The following MGAT4C variants were observed in gnomAD, a reference collection of about 807,000 sequenced individuals.
MGAT4C encodes the protein alpha-1,3-mannosyl-glycoprotein 4-beta-N-acetylglucosaminyltransferase C.
Under a neutral mutation model 40.1 loss-of-function variants are expected in MGAT4C, and 19 were observed. That is an observed-to-expected ratio of 0.47 (90% CI 0.33 to 0.70). The LOEUF is 0.70. Ranked by LOEUF, MGAT4C falls within the 30% of genes least tolerant of loss-of-function variation. The probability of loss-of-function intolerance (pLI) is 0.02; values close to 1 mark genes in which losing one functional copy is unlikely to be tolerated. For missense variants in MGAT4C, 491 were observed against 563.2 expected (o/e 0.87, Z 1.30); for synonymous variants, 181 against 187.1 (o/e 0.97, Z 0.27).
chr12:86,268,372 C>CA (rs1952841900), intron 4 of MGAT4C, among the ~76,000 whole-genome samples: 3 of 151,964 alleles, frequency 2.0e-5, no homozygotes, highest in African/African-American at 7.2e-5. Context: ...TGGCCCATCA[C>CA]AAAAGAGTTA....
chr12:86,618,127 G>T (rs1269860518), intron 2 of MGAT4C, among the ~76,000 whole-genome samples: 1 of 152,066 alleles, frequency 6.6e-6, no homozygotes, highest in African/African-American at 2.4e-5. Context: ...ACCACAATGA[G>T]ATATCATCTT....
At chr12:86,718,162 C>T (rs992683012) in intron 2 of MGAT4C, among the ~76,000 whole-genome samples, 1 of 152,134 alleles carries the variant, frequency 6.6e-6, no homozygotes, top group African/African-American at 2.4e-5. Context: ...ATGCCTAACA[C>T]CATTGTTGAG....
chr12:86,080,638 C>G (rs916795308), intron 1 of MGAT4C, among the ~76,000 whole-genome samples: 4 of 152,104 alleles, frequency 2.6e-5, no homozygotes, highest in African/African-American at 9.7e-5. Context: ...ATGAATTCAA[C>G]TGGTATCAAG....
chr12:86,184,025 TTC>T (rs1405573417), intron 1 of MGAT4C, among the ~76,000 whole-genome samples: 2 of 152,190 alleles, frequency 1.3e-5, no homozygotes, highest in Non-Finnish European at 2.9e-5. Context: ...CATGTGTATA[TTC>T]ATATACAGAT....
intron 3 of MGAT4C, among the ~76,000 whole-genome samples, chr12:86,394,988 A>T (rs1010621602): frequency 1.7e-4 from 26 of 152,088 alleles, no homozygotes; most frequent in African/African-American, 6.3e-4. Flanking sequence ...AAGTACATTT[A>T]TGAGTCCCCT....
intron 4 of MGAT4C, among the ~76,000 whole-genome samples, chr12:86,277,730 C>T (rs1010847286): frequency 1.3e-5 from 2 of 152,056 alleles, no homozygotes; most frequent in Non-Finnish European, 2.9e-5. Context: ...TTTCTGGGTT[C>T]TCTGTTCTGT....
chr12:86,024,950 C>T (rs1177981837), intron 2 of MGAT4C, among the ~76,000 whole-genome samples: 1 of 151,256 alleles, frequency 6.6e-6, no homozygotes, highest in Non-Finnish European at 1.5e-5. Flanking sequence ...TAGGATTAAA[C>T]CTTGTTATAT....
intron 1 of MGAT4C, among the ~76,000 whole-genome samples, chr12:86,211,095 G>A (rs1285205472): frequency 6.6e-6 from 1 of 151,570 alleles, no homozygotes; most frequent in Non-Finnish European, 1.5e-5. Flanking sequence ...GCTTCCATTT[G>A]CCTTTCAAGG....
intron 2 of MGAT4C, among the ~76,000 whole-genome samples, chr12:86,688,888 G>C (rs1227750441): frequency 2.6e-5 from 4 of 152,082 alleles, no homozygotes; most frequent in African/African-American, 9.7e-5. Flanking sequence ...TTGAATGTTG[G>C]CCTGCCTTGC....
chr12:86,315,804 T>G (rs1414466284), intron 4 of MGAT4C, among the ~76,000 whole-genome samples: 2 of 151,708 alleles, frequency 1.3e-5, no homozygotes, highest in Non-Finnish European at 2.9e-5. Context: ...GATAAAATCC[T>G]CAAAAGCAAT....
intron 1 of MGAT4C, among the ~76,000 whole-genome samples, chr12:86,146,661 C>T (rs1234595630): frequency 6.6e-6 from 1 of 151,832 alleles, no homozygotes; most frequent in Admixed American, 6.6e-5. Flanking sequence ...TTCTTGAAAG[C>T]TTCTCTTCCC....
Position 86,124,427 on chromosome 12 carries a change from G to A in MGAT4C, c.-56-74704C>T, listed in dbSNP as rs375532170. ...TGTAAGTTAGTGAAAGATACATTTC[G>A]CATTCTAAGAATTTTAAGGAACCTT... On this transcript the variant is annotated intron_variant, in intron 1 of 4. Coordinates refer to ENST00000611864, the MANE Select transcript of MGAT4C (RefSeq NM_001351288.2). Among the ~76,000 whole-genome samples, 10 of 152,184 alleles carry A rather than the reference G, an allele frequency of 6.6e-5. No homozygotes were observed. The South Asian group carries it at 1.2e-3, about 19-fold the overall frequency.
intron 2 of MGAT4C, among the ~76,000 whole-genome samples, chr12:86,660,233 G>A (rs1356812825): frequency 6.6e-6 from 1 of 152,076 alleles, no homozygotes; most frequent in Admixed American, 6.6e-5. Context: ...GTAGATTGAC[G>A]GGATTTGATA....
intron 2 of MGAT4C, among the ~76,000 whole-genome samples, chr12:86,683,893 A>G (rs1053071769): frequency 2.6e-5 from 4 of 152,278 alleles, no homozygotes; most frequent in African/African-American, 9.6e-5. Context: ...TGTCTTATCT[A>G]ATTTCAACAT....
chr12:86,504,388 C>G (rs1958433344), intron 2 of MGAT4C, among the ~76,000 whole-genome samples: 1 of 152,018 alleles, frequency 6.6e-6, no homozygotes, highest in Non-Finnish European at 1.5e-5. Context: ...AGAATCATCC[C>G]AAATGTCCAT....
At chr12:86,284,932 A>T (rs1953313868) in intron 4 of MGAT4C, among the ~76,000 whole-genome samples, 1 of 152,030 alleles carries the variant, frequency 6.6e-6, no homozygotes, top group African/African-American at 2.4e-5. Context: ...ATGTAATAGT[A>T]TTAATTTTAG....
chr12:86,275,321 T>C (rs1953046249), intron 4 of MGAT4C, among the ~76,000 whole-genome samples: 1 of 122,002 alleles, frequency 8.2e-6, no homozygotes, highest in African/African-American at 3.1e-5. Flanking sequence ...CTTAATCACC[T>C]TGTGATCTCA....
At chr12:86,155,056 T>G (rs839130) in intron 1 of MGAT4C, among the ~76,000 whole-genome samples, 120,395 of 152,146 alleles carry the variant, frequency 0.79, 48,090 homozygotes, top group East Asian at 1. Context: ...CTATTAAGAG[T>G]TGATATTTAA....
chr12:86,375,719 A>T (rs1466268442), intron 3 of MGAT4C, among the ~76,000 whole-genome samples: 1 of 152,122 alleles, frequency 6.6e-6, no homozygotes, highest in Non-Finnish European at 1.5e-5. Context: ...GAAGTTTACA[A>T]CAATAAATAA....
Sources: gnomAD v4.1 joint callset for allele counts (sites outside exome capture counted in the v4.1 genomes callset) on GRCh38, gnomAD v4.1.1 for gene constraint, MANE v1.5 for transcripts, NCBI Gene and HGNC (gene_info 2026-07-23, HGNC 2026-07-21) for gene names.